The following FAM171B variants were observed in gnomAD, a reference collection of about 807,000 sequenced individuals.
FAM171B encodes family with sequence similarity 171 member B.
FAM171B carries 19 observed loss-of-function variants against 75.6 expected under a neutral mutation model. That is an observed-to-expected ratio of 0.25 (90% CI 0.18 to 0.37). The LOEUF is 0.37. Ranked by LOEUF, FAM171B falls within the 10% of genes least tolerant of loss-of-function variation. The pLI, the probability that FAM171B is intolerant of heterozygous loss-of-function variation, is 1.00. For synonymous variants in FAM171B, 367 were observed against 361.7 expected, an observed-to-expected ratio of 1.01 and a Z score of -0.17; for missense variants, 848 against 982.4, an observed-to-expected ratio of 0.86 and a Z score of 1.83.
chr2:186,741,960 T>C (rs1191301409), intron 2 of FAM171B, among the ~76,000 whole-genome samples: 2 of 152,166 alleles, frequency 1.3e-5, no homozygotes, highest in African/African-American at 4.8e-5. Context: ...TAAATCTTGA[T>C]ACCTTAATAA....
In FAM171B at chr2:186,764,244, C is replaced by T. The variant is rs1469560006; in HGVS notation, c.*1421C>T. ...ATTCAACATGGGAGCAGCATAGAGA[C>T]CCAAACCATGTAAACAAGTTCAGTG... is the stretch of plus-strand genomic sequence containing the variant. On this transcript the variant is annotated 3_prime_UTR_variant, in exon 8 of 8. Transcript: ENST00000304698. The T allele has an allele frequency of 6.6e-6, 1 of 151,920 alleles. No homozygotes were observed. Among genetic ancestry groups the T allele is most frequent in the Non-Finnish European group, 1.5e-5 (1 of 67,932 alleles). The allele number at this position is 151,920 out of a possible 1,614,324, so 9.4% of individuals were successfully genotyped here.
chr2:186,724,753 C>T (rs1433922372), intron 1 of FAM171B, among the ~76,000 whole-genome samples: 1 of 152,030 alleles, frequency 6.6e-6, no homozygotes. Flanking sequence ...ATGCAAAGAC[C>T]TGGAGGTGAG....
At chr2:186,739,053 G>A (rs898562188) in intron 1 of FAM171B, among the ~76,000 whole-genome samples, 11 of 152,172 alleles carry the variant, frequency 7.2e-5, no homozygotes, top group African/African-American at 2.7e-4. Context: ...GCAGGCAATT[G>A]TAACACAATT....
chr2:186,742,488 A>G (rs1352499750), intron 2 of FAM171B, among the ~76,000 whole-genome samples: 1 of 152,166 alleles, frequency 6.6e-6, no homozygotes, highest in Middle Eastern at 3.2e-3. Flanking sequence ...GGAGAAAAGT[A>G]TATTTCCTTT....
rs569193984 is a variant in FAM171B, at chr2:186,706,548, C to T, written c.238+12137C>T. Among the ~76,000 whole-genome samples, 11 of 152,286 alleles carry T rather than the reference C, an allele frequency of 7.2e-5. No individual in the cohort carries two copies. The East Asian group carries it at 1.9e-3, about 27-fold the overall frequency. On this transcript the variant is annotated intron_variant, in intron 1 of 7. Transcript: ENST00000304698. ...AATCCAAAAGGAGAAATTTGTATCT[C>T]GGCACATTCTGGTGTTCCAAAGATA... is the stretch of plus-strand genomic sequence containing the variant.
rs1690270840 is a variant in FAM171B, at chr2:186,740,390, GT to G, written c.404del (p.Leu135Ter). The G allele has an allele frequency of 6.2e-7, 1 of 1,613,952 alleles. No homozygotes were observed. Among genetic ancestry groups the G allele is most frequent in the Admixed American group, 1.7e-5 (1 of 60,000 alleles). On this transcript the variant is annotated frameshift_variant, in exon 2 of 8. Coordinates refer to ENST00000304698, the MANE Select transcript of FAM171B (RefSeq NM_177454.4). LOFTEE classifies it high-confidence loss of function. ...LIKVPYKLGLSLTIIAYKDGY... is the reference protein window; with the variant it reads ...LIKVPYKLGLXLTIIAYKDGY... ...AAAGTACCCTACAAATTAGGACTTA[GT>G]TTAACTATTATTGCTTACAAAGATG... is the stretch of plus-strand genomic sequence containing the variant.
At chr2:186,695,555 G>A (rs895587817) in intron 1 of FAM171B, among the ~76,000 whole-genome samples, 2 of 152,112 alleles carry the variant, frequency 1.3e-5, no homozygotes, top group African/African-American at 4.8e-5. Context: ...CTTGCTCATC[G>A]TCAAAAAGCA....
intron 1 of FAM171B, among the ~76,000 whole-genome samples, chr2:186,707,975 A>G (rs1689756218): frequency 6.6e-6 from 1 of 151,772 alleles, no homozygotes; most frequent in Non-Finnish European, 1.5e-5. Flanking sequence ...ATATTTCCAT[A>G]TTTATCTTTT....
chr2:186,730,361 C>G (rs562017719), intron 1 of FAM171B, among the ~76,000 whole-genome samples: 1 of 152,318 alleles, frequency 6.6e-6, no homozygotes, highest in South Asian at 2.1e-4. Context: ...GTTTCCAGCA[C>G]TGGGCTGTAT....
chr2:186,741,745 A>G (rs1001229703), intron 2 of FAM171B, among the ~76,000 whole-genome samples: 23 of 152,272 alleles, frequency 1.5e-4, no homozygotes, highest in African/African-American at 5.3e-4. Context: ...CTCGGTAACA[A>G]TTTTTGAAAT....
rs867698272 is a variant in FAM171B at position 186,694,342 on chromosome 2, A to C, written c.169A>C (p.Lys57Gln). ...GCAGCAACAACAACAACAACAGCAA[A>C]AGCAGCTGGAGGAGGCTGAGGAGGA... Reference protein sequence around the residue: ...QQQQQQQQQQKQLEEAEEERT... With the variant: ...QQQQQQQQQQQQLEEAEEERT... The change falls in exon 1 of 8, where the codon AAG (lysine) becomes CAG (glutamine). Residue 57 changes from lysine to glutamine, a missense_variant. Physicochemically the swap from Lys to Gln is moderately conservative, Grantham distance 53. Coordinates refer to ENST00000304698, the MANE Select transcript of FAM171B (RefSeq NM_177454.4). 3 of 1,591,184 alleles carry C rather than the reference A, an allele frequency of 1.9e-6. No homozygotes were observed. The highest frequency in any genetic ancestry group is 1.1e-5 in the South Asian group (1 of 89,500).
chr2:186,702,112 T>G (rs2105770924), intron 1 of FAM171B, among the ~76,000 whole-genome samples: 1 of 152,310 alleles, frequency 6.6e-6, no homozygotes, highest in Admixed American at 6.5e-5. Flanking sequence ...AACAAGGACA[T>G]TTTCTGAGAA....
At chr2:186,754,096 T>C in intron 6 of FAM171B, 47 bp downstream of exon 6, 2 of 1,408,002 alleles carry the variant, frequency 1.4e-6, no homozygotes, top group Non-Finnish European at 2.0e-6. Flanking sequence ...TCAAATAGTC[T>C]TGCTGGAACG....
In FAM171B at chr2:186,753,292, G is replaced by A. The variant is rs1248433259; in HGVS notation, c.896-641G>A. ...GCCTCCTGAGTATGTGGGATTACAG[G>A]CATGTGCTACCACGCCTGGCTAATT... On this transcript the variant is annotated intron_variant, in intron 5 of 7. Transcript: ENST00000304698. 2.6e-5 allele frequency among the ~76,000 whole-genome samples: 4 copies of A among 152,126 alleles called. No homozygotes were observed. The East Asian group carries it at 7.7e-4, about 29-fold the overall frequency.
intron 1 of FAM171B, among the ~76,000 whole-genome samples, chr2:186,737,851 A>G (rs1690226656): frequency 6.6e-6 from 1 of 152,372 alleles, no homozygotes; most frequent in South Asian, 2.1e-4. Flanking sequence ...AAGTGTTACA[A>G]GATTTCCTAC....
At chr2:186,747,662 T>C (rs774155800) in intron 4 of FAM171B, among the ~76,000 whole-genome samples, 3 of 152,128 alleles carry the variant, frequency 2.0e-5, no homozygotes, top group Non-Finnish European at 2.9e-5. Flanking sequence ...GTGTCAATAA[T>C]TGAGATAGAA....
Position 186,764,712 on chromosome 2 carries a change from A to G in FAM171B, c.*1889A>G, listed in dbSNP as rs1215343812. On this transcript the variant is annotated 3_prime_UTR_variant, in exon 8 of 8. Coordinates refer to ENST00000304698, the MANE Select transcript of FAM171B (RefSeq NM_177454.4). ...AATTAAACAGATGTGCAGTTTTATT[A>G]AAAATATAGACCTAGTGTTTCATGT... 2 of 151,906 alleles carry G rather than the reference A, an allele frequency of 1.3e-5. No individual in the cohort carries two copies. The highest frequency in any genetic ancestry group is 4.8e-5 in the African/African-American group (2 of 41,448). 9.4% of individuals were successfully genotyped at this position (151,906 alleles called of 1,614,324 possible). A position where few individuals can be genotyped will look rare whatever the true frequency, so the allele number is the denominator to read the frequency against.
At position 186,761,546 on chromosome 2, in the gene FAM171B, C is replaced by G; in HGVS notation, c.1204C>G (p.Gln402Glu). 1 of 1,607,670 alleles carries G rather than the reference C, an allele frequency of 6.2e-7. No homozygotes were observed. The highest frequency in any genetic ancestry group is 1.3e-5 in the African/African-American group (1 of 74,676). ...TAAACTTGAGGTCCTCAAGAGAGAC[C>G]AGACAACTTCAACAACACACATAAA... ...ITKLEVLKRD[Q>E]TTSTTHINHI... The change falls in exon 8 of 8, where the codon CAG becomes GAG. Residue 402 changes from glutamine (Q) to glutamate (E), a missense_variant. Gln to Glu is a conservative substitution (Grantham distance 29). Around this residue, in one of 3 missense-constraint regions of FAM171B, gnomAD observed 665 missense variants for 729.0 expected, o/e 0.91. Transcript: ENST00000304698.
intron 1 of FAM171B, among the ~76,000 whole-genome samples, chr2:186,722,287 G>A (rs1689967098): frequency 6.6e-6 from 1 of 152,124 alleles, no homozygotes; most frequent in Non-Finnish European, 1.5e-5. Context: ...GTATGACACA[G>A]AGTTTATTTA....
Sources: gnomAD v4.1 joint callset for allele counts (sites outside exome capture counted in the v4.1 genomes callset) on GRCh38, gnomAD v4.1.1 for gene constraint, gnomAD v4.1.1 regional missense constraint, MANE v1.5 for transcripts, NCBI Gene and HGNC (gene_info 2026-07-23, HGNC 2026-07-21) for gene names.